The following DUSP4 variants were observed in gnomAD, a reference collection of about 807,000 sequenced individuals.
The protein encoded by DUSP4 is dual specificity phosphatase 4.
In DUSP4, 12 loss-of-function variants were observed where a neutral mutation model predicts 27.2. The ratio of observed to expected loss-of-function variants is 0.44; its 90% CI spans 0.28 to 0.71. The LOEUF is 0.71. DUSP4 is among the 30% of genes least tolerant of loss of function. The pLI, the probability that DUSP4 is intolerant of heterozygous loss-of-function variation, is 0.14. For synonymous variants in DUSP4, 257 were observed against 245.2 expected, an observed-to-expected ratio of 1.05 and a Z score of -0.45; for missense variants, 448 against 551.3, an observed-to-expected ratio of 0.81 and a Z score of 1.88.
chr8:29,349,798 C>T, intron 1 of DUSP4, 48 bp downstream of exon 1: 2 of 1,449,178 alleles, frequency 1.4e-6, no homozygotes, highest in Middle Eastern at 2.5e-4. Flanking sequence ...GCCGCCAAGA[C>T]CCCCTCCATC....
chr8:29,346,273 A>G (rs138787129), intron 1 of DUSP4, among the ~76,000 whole-genome samples: 2 of 152,318 alleles, frequency 1.3e-5, no homozygotes, highest in Non-Finnish European at 2.9e-5. Flanking sequence ...TGGAATATCT[A>G]GATGATCTTC....
intron 2 of DUSP4, 79 bp downstream of exon 2, chr8:29,340,019 A>C (rs1359696699): frequency 2.0e-6 from 3 of 1,495,894 alleles, no homozygotes; most frequent in Non-Finnish European, 2.7e-6. Flanking sequence ...AAACACCGTC[A>C]GAACTCTGAA....
rs1339922389 is a variant in DUSP4, at chr8:29,333,201, T to C, written c.*3825A>G. 3.3e-5 allele frequency: 5 copies of C among 152,016 alleles called. No individual in the cohort carries two copies. 9.4% of individuals were successfully genotyped at this position (152,016 alleles called of 1,614,324 possible). The stretch of plus-strand genomic sequence containing the variant: ...TATACATCCTACAGGAATACAGGCA[T>C]TATCAAATGTAGAAATGGTATCACT... On this transcript the variant is annotated 3_prime_UTR_variant, in exon 4 of 4. Transcript: ENST00000240100.
chr8:29,349,192 A>C (rs1166954300), intron 1 of DUSP4, among the ~76,000 whole-genome samples: 1 of 152,162 alleles, frequency 6.6e-6, no homozygotes, highest in African/African-American at 2.4e-5. Flanking sequence ...GGCGTCCCCC[A>C]GATACCCAGT....
Position 29,337,442 on chromosome 8 carries a change from G to C in DUSP4, c.800-31C>G, listed in dbSNP as rs112876436. On this transcript the variant is annotated intron_variant, in intron 3 of 3. Coordinates refer to ENST00000240100, the MANE Select transcript of DUSP4 (RefSeq NM_001394.7). The surrounding 1 kb of genome is among the most constrained non-coding windows in gnomAD (Gnocchi z 6.4). Reference sequence around the variant, plus strand: ...GACAGGGTTCAATAGGTTAGTGCACGTTTCTGCAGACCCCAGCCCCGACCA... The same window carrying C: ...GACAGGGTTCAATAGGTTAGTGCACCTTTCTGCAGACCCCAGCCCCGACCA... The C allele has an allele frequency of 1.3e-6, 2 of 1,565,522 alleles. No individual in the cohort carries two copies. The highest frequency in any genetic ancestry group is 1.7e-6 in the Non-Finnish European group (2 of 1,159,762).
chr8:29,348,336 G>C, intron 1 of DUSP4: 1 of 985,554 alleles, frequency 1.0e-6, no homozygotes, highest in Non-Finnish European at 1.2e-6. Context: ...CCACCCTGGT[G>C]GCCTAACCAG....
Position 29,337,084 on chromosome 8 carries a change from G to A in DUSP4, c.1127C>T (p.Ser376Leu), listed in dbSNP as rs1489348650. 6 of 1,608,392 alleles carry A rather than the reference G, an allele frequency of 3.7e-6. No homozygotes were observed. Among genetic ancestry groups the A allele is most frequent in the Non-Finnish European group, 5.1e-6 (6 of 1,177,642 alleles). ...CAGGTAGGGCAGGCTGCTGGGGGCC[G>A]AGTGCACGCCCACGGAGACCGGAAA... The part of the protein sequence containing the change: ...FSFPVSVGVH[S>L]APSSLPYLHS... The change falls in exon 4 of 4, where the codon TCG becomes TTG. Residue 376 changes from serine to leucine, a missense_variant. Ser to Leu is a moderately radical substitution (Grantham distance 145, BLOSUM62 -2). This residue lies in a region of DUSP4 where 100 missense variants were observed against 139.8 expected (regional missense o/e 0.72). Transcript: ENST00000240100. The surrounding 1 kb of genome is among the most constrained non-coding windows in gnomAD (Gnocchi z 6.4).
Position 29,350,661 on chromosome 8 carries a change from C to T in DUSP4, c.-383G>A, listed in dbSNP as rs115266010. 1,244 of 217,960 alleles carry T rather than the reference C, an allele frequency of 5.7e-3. 19 individuals carry two copies. The highest frequency in any genetic ancestry group is 0.027 in the African/African-American group (1,179 of 43,592). 13.5% of individuals were successfully genotyped at this position (217,960 alleles called of 1,614,324 possible). ...CGCTGCCCTGCCTACGCTCCTCCGGCGCTCAGCGCACTGCCCCAGCCAGAG... is the reference window on the plus strand; with the variant it reads ...CGCTGCCCTGCCTACGCTCCTCCGGTGCTCAGCGCACTGCCCCAGCCAGAG... On this transcript the variant is annotated 5_prime_UTR_variant, in exon 1 of 4. Transcript: ENST00000240100.
Position 29,336,208 on chromosome 8 carries a change from TTTC to T in DUSP4, c.*815_*817del, listed in dbSNP as rs1382050252. ...ACATAGTGAGATGCTGTCTTTTTCT[TTTC>T]TTTTTTTTTTAAAAAGCAATTCAAA... On this transcript the variant is annotated 3_prime_UTR_variant, in exon 4 of 4. Transcript: ENST00000240100. 6.6e-6 allele frequency: 1 copy of T among 151,902 alleles called. No homozygotes were observed. Among genetic ancestry groups the T allele is most frequent in the Non-Finnish European group, 1.5e-5 (1 of 68,000 alleles). 9.4% of individuals were successfully genotyped at this position (151,902 alleles called of 1,614,324 possible).
chr8:29,338,415 G>C lies in DUSP4; in HGVS notation c.666C>G (p.Ile222Met). ...ARRDMLDALGITALLNVSSDC... is the reference protein window; with the variant it reads ...ARRDMLDALGMTALLNVSSDC... Reference sequence around the variant, plus strand: ...CCGAGGAGACATTCAACAGAGCCGTGATGCCCAGGGCGTCCAGCATGTCTC... The same window carrying C: ...CCGAGGAGACATTCAACAGAGCCGTCATGCCCAGGGCGTCCAGCATGTCTC... Residue 222 changes from isoleucine to methionine, a missense_variant, in exon 3 of 4, where the codon ATC becomes ATG. Ile to Met is a conservative substitution (Grantham distance 10). Transcript: ENST00000240100. 1.2e-6 allele frequency: 2 copies of C among 1,614,180 alleles called. No individual in the cohort carries two copies. Among genetic ancestry groups the C allele is most frequent in the Non-Finnish European group, 1.7e-6 (2 of 1,180,032 alleles).
In DUSP4 at chr8:29,335,643, A is replaced by G. The variant is rs894162230; in HGVS notation, c.*1383T>C. ...TAACTGCCCTAAAATTAAAACCTCC[A>G]ATTTATGCAAAAAAAGAAAAGATGG... On this transcript the variant is annotated 3_prime_UTR_variant, in exon 4 of 4. Coordinates refer to ENST00000240100, the MANE Select transcript of DUSP4 (RefSeq NM_001394.7). 3.9e-5 allele frequency: 6 copies of G among 152,206 alleles called. No individual in the cohort carries two copies. The highest frequency in any genetic ancestry group is 1.2e-4 in the African/African-American group (5 of 41,448). The allele number at this position is 152,206 out of a possible 1,614,324, so 9.4% of individuals were successfully genotyped here.
intron 1 of DUSP4, among the ~76,000 whole-genome samples, chr8:29,349,585 G>A (rs928813477): frequency 6.6e-6 from 1 of 152,216 alleles, no homozygotes; most frequent in Non-Finnish European, 1.5e-5. Flanking sequence ...GACCGTTAAT[G>A]TCAATAAACG....
rs777873050 is a variant in DUSP4 at position 29,345,522 on chromosome 8, C to A, written c.433+4324G>T. 3 of 1,573,202 alleles carry A rather than the reference C, an allele frequency of 1.9e-6. No homozygotes were observed. The Middle Eastern group carries it at 5.0e-4, about 264-fold the overall frequency. ...CTGGCTTCCGTTGGAGTGAACTTTTCTTCCCATCGTGCTTCCTCTTCGTTA... is the reference window on the plus strand; with the variant it reads ...CTGGCTTCCGTTGGAGTGAACTTTTATTCCCATCGTGCTTCCTCTTCGTTA... On this transcript the variant is annotated intron_variant, in intron 1 of 3. Coordinates refer to ENST00000240100, the MANE Select transcript of DUSP4 (RefSeq NM_001394.7).
At chr8:29,346,547 G>T (rs556679808) in intron 1 of DUSP4, among the ~76,000 whole-genome samples, 179 of 152,302 alleles carry the variant, frequency 1.2e-3, no homozygotes, top group African/African-American at 4.2e-3. Context: ...GAAGTGTATT[G>T]TGATAAAATC....
At chr8:29,339,932 C>T (rs950428950) in intron 2 of DUSP4, among the ~76,000 whole-genome samples, 166 bp downstream of exon 2, 10 of 151,522 alleles carry the variant, frequency 6.6e-5, no homozygotes, top group African/African-American at 2.4e-4. Context: ...CCCAGGAGTT[C>T]GAGGCTGCAG....
chr8:29,340,040 C>T (rs754001121), intron 2 of DUSP4, 58 bp downstream of exon 2: 412 of 1,525,174 alleles, frequency 2.7e-4, no homozygotes, highest in Non-Finnish European at 3.3e-4. Flanking sequence ...AAGAAGGCAT[C>T]CACTGGCCCC....
rs767394125 is a variant in DUSP4, at chr8:29,340,145, G to C, written c.532C>G (p.Pro178Ala). Residue 178 changes from proline (P) to alanine (A), a missense_variant, in exon 2 of 4, where the codon CCC becomes GCC. Around this residue, in one of 3 missense-constraint regions of DUSP4, gnomAD observed 345 missense variants for 394.0 expected, o/e 0.88. Transcript: ENST00000240100. Reference protein sequence around the residue: ...PPPVPPSATEPLDLGCSSCGT... With the variant: ...PPPVPPSATEALDLGCSSCGT... ...CAGGAGCTGCAGCCCAGGTCCAAGGGCTCTGTGGCACTGGGGGGAACCGGG... is the reference window on the plus strand; with the variant it reads ...CAGGAGCTGCAGCCCAGGTCCAAGGCCTCTGTGGCACTGGGGGGAACCGGG... 125 of 1,605,898 alleles carry C rather than the reference G, an allele frequency of 7.8e-5. 1 individual carries two copies. Among genetic ancestry groups the C allele is most frequent in the South Asian group, 1.9e-4 (17 of 89,502 alleles).
rs1438341010 is a variant in DUSP4, at chr8:29,337,458, G to A, written c.800-47C>T. On this transcript the variant is annotated intron_variant, in intron 3 of 3. Coordinates refer to ENST00000240100, the MANE Select transcript of DUSP4 (RefSeq NM_001394.7). The surrounding 1 kb of genome is among the most constrained non-coding windows in gnomAD (Gnocchi z 6.4). Reference sequence around the variant, plus strand: ...TTAGTGCACGTTTCTGCAGACCCCAGCCCCGACCAGGGGCACCGGCCAGCC... The same window carrying A: ...TTAGTGCACGTTTCTGCAGACCCCAACCCCGACCAGGGGCACCGGCCAGCC... 2 of 1,534,468 alleles carry A rather than the reference G, an allele frequency of 1.3e-6. No homozygotes were observed. The highest frequency in any genetic ancestry group is 2.7e-5 in the African/African-American group (2 of 73,282).
intron 1 of DUSP4, among the ~76,000 whole-genome samples, chr8:29,343,034 G>A (rs1234235927): frequency 3.3e-5 from 5 of 152,030 alleles, no homozygotes; most frequent in East Asian, 3.9e-4. Flanking sequence ...CGGGCGTGGT[G>A]GCGGGTGTCT....
Sources: gnomAD v4.1 joint callset for allele counts (sites outside exome capture counted in the v4.1 genomes callset) on GRCh38, gnomAD v4.1.1 for gene constraint, gnomAD v4.1.1 regional missense constraint, Gnocchi (gnomAD v3.1) non-coding constraint, MANE v1.5 for transcripts, NCBI Gene and HGNC (gene_info 2026-07-23, HGNC 2026-07-21) for gene names.